The following NFASC variants were observed in gnomAD, a reference collection of about 807,000 sequenced individuals.
NFASC encodes the protein neurofascin homolog.
NFASC carries 43 observed loss-of-function variants against 147.5 expected under a neutral mutation model. That is an observed-to-expected ratio of 0.29 (90% confidence interval 0.23 to 0.38). The LOEUF (loss-of-function observed/expected upper bound fraction) is 0.38, where lower values mean the gene tolerates loss of function less well. Among genes scored for constraint, NFASC ranks in the 10% least tolerant of loss-of-function variants. NFASC has a pLI of 1.00. For missense variants in NFASC, 1,320 were observed against 1,689.0 expected (o/e 0.78, Z 3.83); for synonymous variants, 622 against 665.5 (o/e 0.93, Z 1.01).
intron 1 of NFASC, among the ~76,000 whole-genome samples, chr1:204,833,734 G>C (rs1672904850): frequency 6.6e-6 from 1 of 152,186 alleles, no homozygotes; most frequent in South Asian, 2.1e-4. Flanking sequence ...AGAAAAGCAT[G>C]ATTTGTTAGT....
At chr1:204,876,624 C>A (rs1558545766) in intron 1 of NFASC, among the ~76,000 whole-genome samples, 2 of 152,164 alleles carry the variant, frequency 1.3e-5, no homozygotes, top group South Asian at 4.1e-4. Context: ...CCTTCCAGCC[C>A]CTGGCAACCG....
At chr1:205,001,775 G>T (rs563690552) in intron 26 of NFASC, among the ~76,000 whole-genome samples, 1 of 152,326 alleles carries the variant, frequency 6.6e-6, no homozygotes, top group Admixed American at 6.5e-5. Flanking sequence ...GAGCTGAGTT[G>T]CTCACCCTTT....
rs1235589226 is a variant in NFASC, at chr1:204,968,488, C to T, written c.818+128C>T. The T allele has an allele frequency of 1.2e-5, 8 of 694,092 alleles. No individual in the cohort carries two copies. Among genetic ancestry groups the T allele is most frequent in the African/African-American group, 8.9e-5 (5 of 56,366 alleles). The allele number at this position is 694,092 out of a possible 1,614,324, so 43.0% of individuals were successfully genotyped here. A position where few individuals can be genotyped will look rare whatever the true frequency, so the allele number is the denominator to read the frequency against. The stretch of plus-strand genomic sequence containing the variant: ...CACAGCAAAAAGAGAAGCAAACAGC[C>T]TCTAGTGAGCAGGGTGTTGCAAACC... On this transcript the variant is annotated intron_variant, in intron 9 of 29. Coordinates refer to ENST00000339876, the MANE Select transcript of NFASC (RefSeq NM_001005388.3). This position sits in a 1 kb window ranked among gnomAD's most constrained non-coding sequence, Gnocchi z 5.4.
intron 1 of NFASC, among the ~76,000 whole-genome samples, chr1:204,885,584 CTT>C (rs919572764): frequency 6.6e-6 from 1 of 152,180 alleles, no homozygotes; most frequent in African/African-American, 2.4e-5. Context: ...TCAAAAGAGT[CTT>C]TTGTTTTATG....
intron 1 of NFASC, among the ~76,000 whole-genome samples, chr1:204,910,366 G>A (rs2149317901): frequency 6.6e-6 from 1 of 152,108 alleles, no homozygotes; most frequent in East Asian, 1.9e-4. Context: ...TGTTTATTAT[G>A]TGCATATAGA....
chr1:204,931,218 G>T (rs2149582223), intron 2 of NFASC, among the ~76,000 whole-genome samples: 1 of 152,342 alleles, frequency 6.6e-6, no homozygotes, highest in East Asian at 1.9e-4. Flanking sequence ...ACTAAAAGGA[G>T]CTGCTGCCTG....
chr1:204,833,686 T>A (rs548304243), intron 1 of NFASC, among the ~76,000 whole-genome samples: 1 of 152,206 alleles, frequency 6.6e-6, no homozygotes, highest in Admixed American at 6.5e-5. Flanking sequence ...TAATTAAATC[T>A]TCATTGGTGC....
intron 2 of NFASC, among the ~76,000 whole-genome samples, chr1:204,932,755 G>A (rs1366184818): frequency 6.6e-6 from 1 of 152,188 alleles, no homozygotes; most frequent in African/African-American, 2.4e-5. Context: ...TCACTATCTG[G>A]ACGTTTACAG....
Position 205,015,061 on chromosome 1 carries a change from A to G in NFASC, c.3492-1247A>G, listed in dbSNP as rs1273194506. Among the ~76,000 whole-genome samples the G allele has an allele frequency of 2.0e-5, 3 of 152,080 alleles. No homozygotes were observed. Among genetic ancestry groups the G allele is most frequent in the Admixed American group, 6.5e-5 (1 of 15,278 alleles). Reference sequence around the variant, plus strand: ...GTGGGGAGTGGGCTAATAGCTTTCAATCTTCTAACACAGCCCCGGCTCTGG... The same window carrying G: ...GTGGGGAGTGGGCTAATAGCTTTCAGTCTTCTAACACAGCCCCGGCTCTGG... On this transcript the variant is annotated intron_variant, in intron 29 of 29. Transcript: ENST00000339876. This position sits in a 1 kb window ranked among gnomAD's most constrained non-coding sequence, Gnocchi z 4.0.
rs146043540 is a variant in NFASC at position 204,888,881 on chromosome 1, T to A, written c.-199-31751T>A. Among the ~76,000 whole-genome samples the A allele has an allele frequency of 8.5e-5, 13 of 152,268 alleles. No individual in the cohort carries two copies. The East Asian group carries it at 2.5e-3, about 29-fold the overall frequency. ...TCCAGCAGTCTGGGGATCCACCAACTCTAGGGAACCCTGTGCTGCCCTAGA... is the reference window on the plus strand; with the variant it reads ...TCCAGCAGTCTGGGGATCCACCAACACTAGGGAACCCTGTGCTGCCCTAGA... On this transcript the variant is annotated intron_variant, in intron 1 of 29. Coordinates refer to ENST00000339876, the MANE Select transcript of NFASC (RefSeq NM_001005388.3).
chr1:204,855,666 G>A (rs1395714036), intron 1 of NFASC, among the ~76,000 whole-genome samples: 5 of 152,126 alleles, frequency 3.3e-5, no homozygotes, highest in Non-Finnish European at 5.9e-5. Flanking sequence ...CTCACACAAG[G>A]ACCCTTAGAA....
intron 25 of NFASC, 42 bp from the exon 26 acceptor site, chr1:205,001,128 C>A: frequency 8.4e-7 from 1 of 1,191,854 alleles, no homozygotes; most frequent in Non-Finnish European, 1.2e-6. Context: ...TCTGGTGCCA[C>A]TCCCTCCTCA....
At chr1:204,936,204 CTT>C (rs71147722) in intron 2 of NFASC, among the ~76,000 whole-genome samples, 2 of 121,868 alleles carry the variant, frequency 1.6e-5, no homozygotes, top group African/African-American at 3.3e-5. Context: ...CTTTCTTTTT[CTT>C]TTTTTTTTTT....
chr1:204,871,883 C>T (rs2103019386), intron 1 of NFASC, among the ~76,000 whole-genome samples: 1 of 152,318 alleles, frequency 6.6e-6, no homozygotes, highest in East Asian at 1.9e-4. Flanking sequence ...GAAACTCTTT[C>T]ATGTCAAGAC....
At chr1:204,935,812 A>G (rs1293555045) in intron 2 of NFASC, among the ~76,000 whole-genome samples, 1 of 152,132 alleles carries the variant, frequency 6.6e-6, no homozygotes, top group African/African-American at 2.4e-5. Flanking sequence ...CCTCACACCC[A>G]TGTCTTGCCG....
At chr1:204,983,944 A>G (rs1473263709) in intron 21 of NFASC, 2 of 861,898 alleles carry the variant, frequency 2.3e-6, no homozygotes, top group Non-Finnish European at 1.9e-6. Context: ...AGTGGAGTGC[A>G]GGTACAGGCC....
chr1:204,935,985 T>G (rs2092786189), intron 2 of NFASC, among the ~76,000 whole-genome samples: 1 of 152,152 alleles, frequency 6.6e-6, no homozygotes, highest in East Asian at 1.9e-4. Context: ...CAACAGTCTT[T>G]TCTTCAAATA....
intron 1 of NFASC, among the ~76,000 whole-genome samples, chr1:204,835,661 T>G (rs137889813): frequency 1.2e-4 from 19 of 152,168 alleles, no homozygotes; most frequent in African/African-American, 4.6e-4. Context: ...GGTGGGTGCA[T>G]GTAATTCAGT....
chr1:204,851,869 A>G (rs1161556227), intron 1 of NFASC, among the ~76,000 whole-genome samples: 3 of 152,222 alleles, frequency 2.0e-5, no homozygotes, highest in Admixed American at 2.0e-4. Flanking sequence ...TGATCACAAG[A>G]TAAAAAAGAT....
Sources: gnomAD v4.1 joint callset for allele counts (sites outside exome capture counted in the v4.1 genomes callset) on GRCh38, gnomAD v4.1.1 for gene constraint, Gnocchi (gnomAD v3.1) non-coding constraint, MANE v1.5 for transcripts, NCBI Gene and HGNC (gene_info 2026-07-23, HGNC 2026-07-21) for gene names.